Variants in MAF observed in about 807,000 individuals in gnomAD.
The protein encoded by MAF is transcription factor Maf.
Under a neutral mutation model 22.0 loss-of-function variants are expected in MAF, and 10 were observed. That is an observed-to-expected ratio of 0.45 (90% CI 0.28 to 0.77). MAF has a LOEUF of 0.77. Ranked by LOEUF, MAF falls within the 30% of genes least tolerant of loss-of-function variation. The pLI, the probability that MAF is intolerant of heterozygous loss-of-function variation, is 0.12. For missense variants in MAF, 544 were observed against 548.4 expected (o/e 0.99, Z 0.08); for synonymous variants, 337 against 255.8 (o/e 1.32, Z -3.03).
chr16:79,366,941 G>C, the MAF span, among the ~76,000 whole-genome samples: 1 of 152,228 alleles, frequency 6.6e-6, no homozygotes, highest in East Asian at 1.9e-4. Context: ...CTCAGGGCTT[G>C]GTATATAGCA....
At chr16:79,265,093 T>C in the MAF span, among the ~76,000 whole-genome samples, 7 of 152,184 alleles carry the variant, frequency 4.6e-5, no homozygotes, top group South Asian at 8.3e-4. Context: ...TCATCTGCCA[T>C]GGGAGGTAAT....
the MAF span, among the ~76,000 whole-genome samples, chr16:79,467,421 G>C: frequency 2.6e-5 from 4 of 152,174 alleles, no homozygotes; most frequent in Non-Finnish European, 5.9e-5. Context: ...GTACTGTGCT[G>C]GGTGTTTTGC....
At chr16:79,371,732 G>T in the MAF span, among the ~76,000 whole-genome samples, 3 of 152,168 alleles carry the variant, frequency 2.0e-5, no homozygotes, top group Non-Finnish European at 2.9e-5. Flanking sequence ...CCAGCAGCAT[G>T]TTACCCAGGA....
At chr16:79,409,228 T>C in the MAF span, among the ~76,000 whole-genome samples, 1 of 152,326 alleles carries the variant, frequency 6.6e-6, no homozygotes, top group South Asian at 2.1e-4. Flanking sequence ...AAAACAATAA[T>C]ATTTGAAATC....
the MAF span, among the ~76,000 whole-genome samples, chr16:79,214,282 C>T: frequency 7.2e-3 from 1,100 of 152,246 alleles, 7 homozygotes; most frequent in East Asian, 0.038. Flanking sequence ...GGCCACAGTA[C>T]CTTGAACTGC....
chr16:79,466,588 G>T, the MAF span, among the ~76,000 whole-genome samples: 2 of 152,238 alleles, frequency 1.3e-5, no homozygotes, highest in African/African-American at 4.8e-5. Context: ...GCTGCATGAT[G>T]CTGTCTACAC....
the MAF span, among the ~76,000 whole-genome samples, chr16:79,224,593 T>A: frequency 1.3e-5 from 2 of 152,208 alleles, no homozygotes; most frequent in African/African-American, 2.4e-5. Flanking sequence ...GATGACATGA[T>A]TGCATATTTA....
At chr16:79,554,980 T>A in the MAF span, among the ~76,000 whole-genome samples, 1 of 152,074 alleles carries the variant, frequency 6.6e-6, no homozygotes, top group African/African-American at 2.4e-5. Flanking sequence ...CCCAGAAATG[T>A]GAGTGAGTTC....
At chr16:79,309,678 G>A in the MAF span, among the ~76,000 whole-genome samples, 8 of 152,168 alleles carry the variant, frequency 5.3e-5, no homozygotes, top group Non-Finnish European at 8.8e-5. Context: ...AACGGATGTC[G>A]AGTTGTTTAG....
chr16:79,504,898 C>G, the MAF span, among the ~76,000 whole-genome samples: 2 of 152,196 alleles, frequency 1.3e-5, no homozygotes, highest in African/African-American at 4.8e-5. Context: ...CACACATTCA[C>G]AAACACATAC....
the MAF span, among the ~76,000 whole-genome samples, chr16:79,349,774 G>A: frequency 7.3e-3 from 1,112 of 152,288 alleles, 14 homozygotes; most frequent in African/African-American, 0.025. Context: ...TCCTCCTTGG[G>A]CTGCTAGCTA....
chr16:79,292,924 C>T, the MAF span, among the ~76,000 whole-genome samples: 3 of 152,062 alleles, frequency 2.0e-5, no homozygotes, highest in African/African-American at 7.2e-5. Flanking sequence ...AGAAAGTTAC[C>T]CTATAATGGT....
the MAF span, among the ~76,000 whole-genome samples, chr16:79,323,848 G>A: frequency 1.3e-5 from 2 of 152,170 alleles, no homozygotes; most frequent in Non-Finnish European, 2.9e-5. Context: ...ATATGACCTT[G>A]GGGGAAAGTG....
At chr16:79,409,811 A>G in the MAF span, among the ~76,000 whole-genome samples, 2 of 152,210 alleles carry the variant, frequency 1.3e-5, no homozygotes, top group Non-Finnish European at 2.9e-5. Flanking sequence ...TCTTCCTGCT[A>G]AAATGAAAAT....
chr16:79,499,249 C>T, the MAF span, among the ~76,000 whole-genome samples: 2 of 152,158 alleles, frequency 1.3e-5, no homozygotes, highest in African/African-American at 4.8e-5. Flanking sequence ...CTCCAACCTG[C>T]AGGTCAAGTT....
At chr16:79,431,879 A>G in the MAF span, among the ~76,000 whole-genome samples, 3,854 of 152,288 alleles carry the variant, frequency 0.025, 165 homozygotes, top group African/African-American at 0.089. Context: ...CAAGTGTTAC[A>G]GGTTGAATTG....
the MAF span, among the ~76,000 whole-genome samples, chr16:79,516,813 A>G: frequency 6.8e-6 from 1 of 147,122 alleles, no homozygotes; most frequent in Non-Finnish European, 1.5e-5. Context: ...CTAAAGAACA[A>G]GGAAAGACAG....
chr16:79,577,710 T>A, the MAF span, among the ~76,000 whole-genome samples: 2 of 152,240 alleles, frequency 1.3e-5, no homozygotes, highest in East Asian at 1.9e-4. Context: ...TACATATTTT[T>A]AAAATCTGAC....
chr16:79,376,232 T>C, the MAF span, among the ~76,000 whole-genome samples: 45 of 152,150 alleles, frequency 3.0e-4, no homozygotes, highest in Non-Finnish European at 3.8e-4. Flanking sequence ...TTACTTGTTT[T>C]ATTTAATTTT....
Sources: gnomAD v4.1 joint callset for allele counts (sites outside exome capture counted in the v4.1 genomes callset) on GRCh38, gnomAD v4.1.1 for gene constraint, MANE v1.5 for transcripts, NCBI Gene and HGNC (gene_info 2026-07-23, HGNC 2026-07-21) for gene names.